The following THSD7B variants were observed in gnomAD, a reference collection of about 807,000 sequenced individuals.
THSD7B encodes the protein thrombospondin type 1 domain containing 7B.
In THSD7B, 138 loss-of-function variants were observed where a neutral mutation model predicts 213.6. That is an observed-to-expected ratio of 0.65 (90% CI 0.56 to 0.74). The LOEUF (loss-of-function observed/expected upper bound fraction) is 0.74. Ranked by LOEUF, THSD7B falls within the 30% of genes least tolerant of loss-of-function variation. The probability of loss-of-function intolerance (pLI) is 0.00; values close to 1 mark genes in which losing one functional copy is unlikely to be tolerated. For missense variants in THSD7B, 1,931 were observed against 1,991.5 expected (o/e 0.97, Z 0.58); for synonymous variants, 742 against 687.0 (o/e 1.08, Z -1.25).
At chr2:137,331,791 A>G (rs1204624980) in intron 12 of THSD7B, among the ~76,000 whole-genome samples, 1 of 152,196 alleles carries the variant, frequency 6.6e-6, no homozygotes, top group Admixed American at 6.5e-5. Flanking sequence ...AATCGAGCGC[A>G]GCGCTCGTGG....
intron 12 of THSD7B, among the ~76,000 whole-genome samples, chr2:137,306,043 G>T (rs572735491): frequency 6.6e-6 from 1 of 152,114 alleles, no homozygotes; most frequent in Non-Finnish European, 1.5e-5. Context: ...ACCATGAATG[G>T]AATTTGCAGG....
At chr2:136,955,915 G>A (rs1685116028) in intron 2 of THSD7B, among the ~76,000 whole-genome samples, 1 of 151,762 alleles carries the variant, frequency 6.6e-6, no homozygotes, top group Non-Finnish European at 1.5e-5. Context: ...GCCTCCCAAA[G>A]TGCTGGGATT....
chr2:137,490,663 G>A (rs946547208), intron 15 of THSD7B, among the ~76,000 whole-genome samples: 2 of 152,076 alleles, frequency 1.3e-5, no homozygotes, highest in East Asian at 3.9e-4. Flanking sequence ...TTCACTCTTG[G>A]TGTTATTTAT....
chr2:136,985,212 T>A (rs1219832164), intron 2 of THSD7B, among the ~76,000 whole-genome samples: 1 of 152,140 alleles, frequency 6.6e-6, no homozygotes, highest in African/African-American at 2.4e-5. Context: ...TTAGCAGGAT[T>A]GGAAGGGAGC....
chr2:137,283,544 A>G (rs1683088791), intron 12 of THSD7B, among the ~76,000 whole-genome samples: 1 of 152,190 alleles, frequency 6.6e-6, no homozygotes. Flanking sequence ...TTTGTCATAG[A>G]TAGCTCTTAT....
Position 137,574,592 on chromosome 2 carries a change from G to A in THSD7B, c.3423+2036G>A, listed in dbSNP as rs186132193. 3.3e-5 allele frequency among the ~76,000 whole-genome samples: 5 copies of A among 152,118 alleles called. No individual in the cohort carries two copies. In the East Asian group the frequency reaches 7.7e-4, roughly 24 times the overall value. On this transcript the variant is annotated intron_variant, in intron 17 of 27. Coordinates refer to ENST00000409968, the MANE Select transcript of THSD7B (RefSeq NM_001316349.2). ...TATGATGATGTAACACTTGTCCATG[G>A]CCACTCAGGTCTGTCTGACCACAAT...
At chr2:137,178,931 A>G (rs974826928) in intron 7 of THSD7B, among the ~76,000 whole-genome samples, 1 of 152,164 alleles carries the variant, frequency 6.6e-6, no homozygotes, top group East Asian at 1.9e-4. Flanking sequence ...ATCAGACTAA[A>G]TGTAATCTGT....
chr2:137,601,210 G>A (rs959517944), intron 17 of THSD7B, among the ~76,000 whole-genome samples: 1 of 152,150 alleles, frequency 6.6e-6, no homozygotes, highest in Non-Finnish European at 1.5e-5. Context: ...TGTAACCTAA[G>A]TGTACAATGT....
intron 15 of THSD7B, among the ~76,000 whole-genome samples, chr2:137,451,434 C>T (rs1217533434): frequency 6.6e-6 from 1 of 151,798 alleles, no homozygotes. Context: ...TCTTATCCAT[C>T]AAGTCCAAAA....
intron 5 of THSD7B, among the ~76,000 whole-genome samples, chr2:137,140,014 A>G (rs557269727): frequency 1.4e-3 from 218 of 152,276 alleles, no homozygotes; most frequent in Non-Finnish European, 2.2e-3. Flanking sequence ...GAGAATATGT[A>G]GTGCAAAAAG....
intron 7 of THSD7B, among the ~76,000 whole-genome samples, chr2:137,195,832 C>G (rs920181019): frequency 6.6e-6 from 1 of 151,880 alleles, no homozygotes; most frequent in African/African-American, 2.4e-5. Context: ...GAAATTTTGA[C>G]GAGGAACAGG....
At chr2:136,938,761 A>G (rs1684772917) in intron 2 of THSD7B, among the ~76,000 whole-genome samples, 1 of 152,210 alleles carries the variant, frequency 6.6e-6, no homozygotes, top group African/African-American at 2.4e-5. Context: ...AGGAAAAATA[A>G]GATGAGGACC....
intron 10 of THSD7B, among the ~76,000 whole-genome samples, chr2:137,246,228 T>A (rs1682033225): frequency 1.3e-5 from 2 of 152,158 alleles, no homozygotes; most frequent in Non-Finnish European, 1.5e-5. Context: ...ACTCCTTTTT[T>A]TGTTTTGTGG....
At chr2:137,156,017 G>A (rs1679903342) in intron 5 of THSD7B, 2 of 152,130 alleles carry the variant, frequency 1.3e-5, no homozygotes, top group Admixed American at 1.3e-4. Flanking sequence ...AATGAACTTG[G>A]AGAAACCACC....
chr2:137,610,161 A>T (rs775866615), intron 17 of THSD7B, among the ~76,000 whole-genome samples: 1 of 152,010 alleles, frequency 6.6e-6, no homozygotes, highest in Admixed American at 6.6e-5. Context: ...CACCTAGAGG[A>T]CTCATTAAAA....
chr2:137,448,803 C>CAAAAAA (rs2105063272), intron 14 of THSD7B, among the ~76,000 whole-genome samples: 1 of 96,366 alleles, frequency 1.0e-5, no homozygotes, highest in East Asian at 2.2e-4. Flanking sequence ...CATCTCAAAA[C>CAAAAAA]AACAACAACA....
intron 12 of THSD7B, among the ~76,000 whole-genome samples, chr2:137,352,492 CT>C (rs1433602248): frequency 2.0e-5 from 3 of 151,994 alleles, no homozygotes; most frequent in African/African-American, 7.2e-5. Context: ...CCACTTAGTC[CT>C]CCTGGCCTTA....
At chr2:137,485,595 C>T (rs925579869) in intron 15 of THSD7B, among the ~76,000 whole-genome samples, 3 of 152,132 alleles carry the variant, frequency 2.0e-5, no homozygotes, top group African/African-American at 4.8e-5. Flanking sequence ...TCCAGGAGAA[C>T]TTCCCCAATC....
chr2:136,932,853 G>T (rs1330281896), intron 2 of THSD7B, among the ~76,000 whole-genome samples: 20 of 152,132 alleles, frequency 1.3e-4, no homozygotes, highest in Admixed American at 1.3e-3. Context: ...GGAGAAATCA[G>T]GTGGTAAGGA....
Sources: gnomAD v4.1 joint callset for allele counts (sites outside exome capture counted in the v4.1 genomes callset) on GRCh38, gnomAD v4.1.1 for gene constraint, MANE v1.5 for transcripts, NCBI Gene and HGNC (gene_info 2026-07-23, HGNC 2026-07-21) for gene names.